The following SERPINE2 variants were observed in gnomAD, a reference collection of about 807,000 sequenced individuals.
The protein encoded by SERPINE2 is glia-derived nexin.
Under a neutral mutation model 36.3 loss-of-function variants are expected in SERPINE2, and 14 were observed. The observed-to-expected ratio is 0.39, with a 90% CI of 0.25 to 0.60. The LOEUF is 0.60. Ranked by LOEUF, SERPINE2 falls within the 20% of genes least tolerant of loss-of-function variation. The pLI, the probability that SERPINE2 is intolerant of heterozygous loss-of-function variation, is 0.57. For missense variants in SERPINE2, 418 were observed against 499.6 expected, an observed-to-expected ratio of 0.84 and a Z score of 1.56; for synonymous variants, 192 against 191.8, an observed-to-expected ratio of 1.00 and a Z score of -0.01.
In SERPINE2 at chr2:224,001,920, G is replaced by A. The variant is rs755793429; in HGVS notation, c.-20C>T. ...GTTCATGGTTCCTTCCACCAAGGACGACCTGGAAAAGTAAGTTAAAAAATA... is the reference window on the plus strand; with the variant it reads ...GTTCATGGTTCCTTCCACCAAGGACAACCTGGAAAAGTAAGTTAAAAAATA... On this transcript the variant is annotated splice_region_variant and 5_prime_UTR_variant, in exon 2 of 9. Coordinates refer to ENST00000409304, the MANE Select transcript of SERPINE2 (RefSeq NM_001136528.2). 4.4e-5 allele frequency: 70 copies of A among 1,601,216 alleles called. No individual in the cohort carries two copies. The highest frequency in any genetic ancestry group is 6.7e-5 in the South Asian group (6 of 90,020).
chr2:224,030,965 T>C, intron 1 of SERPINE2: 1 of 985,424 alleles, frequency 1.0e-6, no homozygotes, highest in East Asian at 1.1e-4. Context: ...AAAACCATGA[T>C]TCAAACGTAC....
At chr2:224,007,576 T>C (rs1274424916) in intron 1 of SERPINE2, among the ~76,000 whole-genome samples, 1 of 152,192 alleles carries the variant, frequency 6.6e-6, no homozygotes, top group African/African-American at 2.4e-5. Context: ...AAAATAGATA[T>C]CCATGACATC....
chr2:224,015,182 T>C (rs7574526), intron 1 of SERPINE2, among the ~76,000 whole-genome samples: 17,701 of 152,142 alleles, frequency 0.12, 1,155 homozygotes, highest in East Asian at 0.2. Flanking sequence ...AGTGCCAAGG[T>C]TGGGGAAGCC....
intron 1 of SERPINE2, among the ~76,000 whole-genome samples, chr2:224,019,963 T>C (rs938107617): frequency 3.9e-5 from 6 of 152,140 alleles, no homozygotes; most frequent in African/African-American, 1.4e-4. Context: ...CTGGAGACAC[T>C]GACAAATGTC....
intron 1 of SERPINE2, chr2:224,031,446 C>T: frequency 1.0e-6 from 1 of 985,598 alleles, no homozygotes; most frequent in Non-Finnish European, 1.2e-6. Context: ...GCAGCACGGT[C>T]CTCTCCACTC....
At chr2:223,982,445 CA>C in intron 6 of SERPINE2, 1 of 380,634 alleles carries the variant, frequency 2.6e-6, no homozygotes, top group Non-Finnish European at 4.8e-6. Context: ...TCCATGTAAC[CA>C]AAAACCACTT....
At chr2:224,014,505 A>ATTTTC (rs1217255417) in intron 1 of SERPINE2, among the ~76,000 whole-genome samples, 4 of 152,328 alleles carry the variant, frequency 2.6e-5, no homozygotes, top group South Asian at 4.1e-4. Context: ...AACTAAGGAA[A>ATTTTC]GTCAGAGGGA....
At position 223,997,867 on chromosome 2, in the gene SERPINE2, G is replaced by T. The variant is rs147815035; in HGVS notation, c.487+248C>A. On this transcript the variant is annotated intron_variant, in intron 3 of 8. Transcript: ENST00000409304. ...TGCTGGAGACCAGATATGGCAAGGA[G>T]AGGAGACAGTGGAGGGGCTGGATTC... is the stretch of plus-strand genomic sequence containing the variant. Among the ~76,000 whole-genome samples the T allele has an allele frequency of 2.0e-5, 3 of 152,326 alleles. No homozygotes were observed. In the East Asian group the frequency reaches 5.8e-4, roughly 29 times the overall value.
intron 1 of SERPINE2, among the ~76,000 whole-genome samples, chr2:224,032,771 A>T (rs1346254878): frequency 6.6e-6 from 1 of 152,240 alleles, no homozygotes; most frequent in Non-Finnish European, 1.5e-5. Context: ...GTCCACCCCA[A>T]CCTTTGGAGG....
intron 1 of SERPINE2, among the ~76,000 whole-genome samples, chr2:224,007,837 A>C (rs949801009): frequency 6.6e-6 from 1 of 152,172 alleles, no homozygotes; most frequent in Non-Finnish European, 1.5e-5. Flanking sequence ...AGATTTTGCT[A>C]ACTGCATTAA....
At chr2:223,988,239 G>A (rs1690516936) in intron 4 of SERPINE2, among the ~76,000 whole-genome samples, 1 of 152,076 alleles carries the variant, frequency 6.6e-6, no homozygotes, top group Non-Finnish European at 1.5e-5. Flanking sequence ...ATGTGATCAG[G>A]GCTCACTGCA....
In SERPINE2 at chr2:223,997,039, T is replaced by C. The variant is rs970469981; in HGVS notation, c.487+1076A>G. ...CTGCAGTGAGCTATGATTGCACCAC[T>C]GCGCTCTAGCCTAAGAGACAGAGTG... On this transcript the variant is annotated intron_variant, in intron 3 of 8. Coordinates refer to ENST00000409304, the MANE Select transcript of SERPINE2 (RefSeq NM_001136528.2). Among the ~76,000 whole-genome samples the C allele has an allele frequency of 4.6e-5, 7 of 152,216 alleles. No homozygotes were observed. In the East Asian group the frequency reaches 1.4e-3, roughly 29 times the overall value.
At chr2:224,030,541 G>C (rs988795911) in intron 1 of SERPINE2, 1 of 152,230 alleles carries the variant, frequency 6.6e-6, no homozygotes, top group Non-Finnish European at 1.5e-5. Context: ...CCCAACTCAC[G>C]GATGGGCTTG....
chr2:224,006,413 C>G (rs1045554558), intron 1 of SERPINE2, among the ~76,000 whole-genome samples: 1 of 152,230 alleles, frequency 6.6e-6, no homozygotes, highest in Admixed American at 6.5e-5. Flanking sequence ...CTCCCTTAGC[C>G]TCCACCTAGC....
In SERPINE2 at chr2:224,015,385, T is replaced by C. The variant is rs150192814; in HGVS notation, c.-22-13463A>G. On this transcript the variant is annotated intron_variant, in intron 1 of 8. Transcript: ENST00000409304. The stretch of plus-strand genomic sequence containing the variant: ...CTGGGAAGGGCCACATGGGCAGACA[T>C]TGGAGGATGGACTGGAAGTGACTGG... 4.6e-5 allele frequency among the ~76,000 whole-genome samples: 7 copies of C among 152,184 alleles called. No individual in the cohort carries two copies. The South Asian group carries it at 1.3e-3, about 27-fold the overall frequency.
intron 1 of SERPINE2, among the ~76,000 whole-genome samples, chr2:224,015,137 G>A (rs1339423657): frequency 3.3e-5 from 5 of 152,180 alleles, no homozygotes; most frequent in Admixed American, 6.5e-5. Context: ...CAAGACAGCC[G>A]CCTGCAACAA....
In SERPINE2 at chr2:223,975,701, A is replaced by G. The variant is rs1405857079; in HGVS notation, c.*166T>C. 5.5e-6 allele frequency: 3 copies of G among 541,740 alleles called. No individual in the cohort carries two copies. The highest frequency in any genetic ancestry group is 9.8e-6 in the Non-Finnish European group (3 of 305,430). 33.6% of individuals were successfully genotyped at this position (541,740 alleles called of 1,614,324 possible). ...CCATCCTGCTTGTTTTTTCCCTCCA[A>G]TACCTCCCAGAACAGAAACACTTGC... On this transcript the variant is annotated 3_prime_UTR_variant, in exon 9 of 9. Coordinates refer to ENST00000409304, the MANE Select transcript of SERPINE2 (RefSeq NM_001136528.2).
At position 223,992,025 on chromosome 2, in the gene SERPINE2, G is replaced by C. The variant is rs781382554; in HGVS notation, c.488-25C>G. The C allele has an allele frequency of 1.9e-6, 3 of 1,609,304 alleles. No individual in the cohort carries two copies. In the South Asian group the frequency reaches 3.3e-5, roughly 18 times the overall value. ...TCTGTGAAGCCAAAGAACAAACAAG[G>C]GAAAAATAACCTCAGGACTGGTGGC... On this transcript the variant is annotated intron_variant, in intron 3 of 8. Transcript: ENST00000409304.
In SERPINE2 at chr2:223,975,745, A is replaced by C; in HGVS notation, c.*122T>G. ...CACTTGCATCGAGTCTGTTCCTAAG[A>C]ACTAGTTTTGAAAAAGAAGCGATGT... On this transcript the variant is annotated 3_prime_UTR_variant, in exon 9 of 9. Transcript: ENST00000409304. The C allele has an allele frequency of 1.3e-6, 1 of 758,382 alleles. No individual in the cohort carries two copies. The highest frequency in any genetic ancestry group is 2.4e-5 in the South Asian group (1 of 41,610). The allele number at this position is 758,382 out of a possible 1,614,324, so 47.0% of individuals were successfully genotyped here.
Sources: allele counts gnomAD v4.1 joint callset (sites outside exome capture counted in the v4.1 genomes callset), GRCh38; gene constraint gnomAD v4.1.1; transcripts MANE v1.5; gene names NCBI Gene and HGNC (gene_info 2026-07-23, HGNC 2026-07-21).